RGS5: variants seen among roughly 807,000 people sequenced by gnomAD.
RGS5 encodes regulator of G-protein signalling 5.
In RGS5, 20 loss-of-function variants were observed where a neutral mutation model predicts 18.9. The ratio of observed to expected loss-of-function variants is 1.06; its 90% CI spans 0.74 to 1.54. The LOEUF (loss-of-function observed/expected upper bound fraction) is 1.54, where lower values mean the gene tolerates loss of function less well. Among genes scored for constraint, RGS5 ranks in the 40% most tolerant of loss-of-function variants. The pLI is 0.00. For synonymous variants in RGS5, 57 were observed against 76.2 expected, an observed-to-expected ratio of 0.75 and a Z score of 1.31; for missense variants, 201 against 211.8, an observed-to-expected ratio of 0.95 and a Z score of 0.32.
intron 1 of RGS5, among the ~76,000 whole-genome samples, chr1:163,169,723 A>G (rs920746762): frequency 6.6e-6 from 1 of 152,172 alleles, no homozygotes; most frequent in Non-Finnish European, 1.5e-5. Context: ...CTGTAAAATG[A>G]TGACGTTATC....
chr1:163,314,602 G>C (rs1649966417), intron 1 of RGS5, among the ~76,000 whole-genome samples: 1 of 152,060 alleles, frequency 6.6e-6, no homozygotes, highest in African/African-American at 2.4e-5. Context: ...TCTGATTTAT[G>C]ATAGTTATTA....
intron 2 of RGS5, among the ~76,000 whole-genome samples, chr1:163,246,822 T>G (rs1418911961): frequency 6.6e-6 from 1 of 152,222 alleles, no homozygotes; most frequent in Non-Finnish European, 1.5e-5. Context: ...GTCATCTGCA[T>G]GGAATCAATC....
rs147314239 is a variant in RGS5 at position 163,216,949 on chromosome 1, C to T, written c.69+577G>A. ...AACTCCACTGGGTTTTTAATGTCAG[C>T]TCAAAGTGTGGTCCTTAGCTAACTA... On this transcript the variant is annotated intron_variant, in intron 1 of 5. Transcript: ENST00000367903. Among the ~76,000 whole-genome samples, 1,237 of 152,256 alleles carry T rather than the reference C, an allele frequency of 8.1e-3. 5 individuals are homozygous for T. The highest frequency in any genetic ancestry group is 0.014 in the Non-Finnish European group (944 of 68,018).
At chr1:163,148,232 G>A (rs370297130) in intron 4 of RGS5, among the ~76,000 whole-genome samples, 1 of 152,014 alleles carries the variant, frequency 6.6e-6, no homozygotes, top group African/African-American at 2.4e-5. Flanking sequence ...CGGCCCTGGT[G>A]CCTAATTTTA....
chr1:163,221,196 A>G (rs1469532732), upstream of RGS5, among the ~76,000 whole-genome samples: 1 of 152,204 alleles, frequency 6.6e-6, no homozygotes, highest in Non-Finnish European at 1.5e-5. Flanking sequence ...GAACAAGAAG[A>G]CAATTAAGAT....
intron 2 of RGS5, among the ~76,000 whole-genome samples, chr1:163,297,955 A>G (rs1649461896): frequency 6.6e-6 from 1 of 152,146 alleles, no homozygotes; most frequent in Non-Finnish European, 1.5e-5. Context: ...CCAAGTCATT[A>G]GGGAATATCT....
chr1:163,300,877 A>C (rs1050596822), intron 2 of RGS5, among the ~76,000 whole-genome samples: 1 of 152,192 alleles, frequency 6.6e-6, no homozygotes, highest in African/African-American at 2.4e-5. Context: ...GCACTTACCA[A>C]GTGTATTGAC....
chr1:163,152,708 C>A lies in RGS5; in HGVS notation c.226G>T (p.Ala76Ser). 1.3e-6 allele frequency: 2 copies of A among 1,586,612 alleles called. No homozygotes were observed. The highest frequency in any genetic ancestry group is 1.2e-5 in the South Asian group (1 of 84,300). Residue 76 changes from alanine (A) to serine (S), a missense_variant, in exon 4 of 5, where the codon GCC becomes TCC. Coordinates refer to ENST00000313961, the MANE Select transcript of RGS5 (RefSeq NM_003617.4). The part of the protein sequence containing the change: ...DKLLQNNYGL[A>S]SFKSFLKSEF... ...GACTTCAGGAAACTTTTGAAACTGG[C>A]AAGTCCATCTGGAAAGAAAAAAACA...
At chr1:163,220,778 C>A (rs76488085), upstream of RGS5, among the ~76,000 whole-genome samples, 573 of 152,124 alleles carry the variant, frequency 3.8e-3, 6 homozygotes, top group Non-Finnish European at 5.7e-3. Flanking sequence ...TCAGTGGGCC[C>A]AATGTCATCA....
intron 2 of RGS5, chr1:163,239,246 T>G (rs1297110512): frequency 1.3e-5 from 2 of 151,576 alleles, no homozygotes; most frequent in African/African-American, 4.9e-5. Context: ...GAGCCCAAGG[T>G]GGGTGGATCG....
intron 2 of RGS5, among the ~76,000 whole-genome samples, chr1:163,271,794 T>C (rs1172264165): frequency 6.6e-6 from 1 of 152,174 alleles, no homozygotes; most frequent in Middle Eastern, 3.2e-3. Flanking sequence ...TTCGTTTCTC[T>C]TGCTTAGATT....
chr1:163,296,731 T>C (rs923889037), intron 2 of RGS5, among the ~76,000 whole-genome samples: 4 of 152,174 alleles, frequency 2.6e-5, no homozygotes, highest in Non-Finnish European at 5.9e-5. Flanking sequence ...AGTTTCTGGA[T>C]TGTGAAACTT....
At chr1:163,280,799 C>T (rs182015194) in intron 2 of RGS5, among the ~76,000 whole-genome samples, 10 of 152,160 alleles carry the variant, frequency 6.6e-5, no homozygotes, top group Admixed American at 6.5e-4. Flanking sequence ...TGAAAAAGAG[C>T]CTGAATAGCC....
chr1:163,320,156 G>T (rs1392584081), intron 1 of RGS5, among the ~76,000 whole-genome samples: 2 of 151,746 alleles, frequency 1.3e-5, no homozygotes, highest in African/African-American at 4.8e-5. Flanking sequence ...TCTAATCTTG[G>T]CTTTCACATA....
intron 2 of RGS5, among the ~76,000 whole-genome samples, chr1:163,230,181 A>G (rs1442423693): frequency 6.6e-6 from 1 of 152,224 alleles, no homozygotes; most frequent in Non-Finnish European, 1.5e-5. Context: ...GATAAAATTC[A>G]AAATTTTGAT....
chr1:163,147,918 C>CTTTTTTTTTTTTTTTTTTTTTTT (rs534448527), intron 4 of RGS5, among the ~76,000 whole-genome samples: 7 of 78,094 alleles, frequency 9.0e-5, no homozygotes, highest in Non-Finnish European at 1.5e-4. Flanking sequence ...TTTTCTTTTT[C>CTTTTTTTTTTTTTTTTTTTTTTT]TTTTTTTTTT....
chr1:163,320,708 G>C (rs538539902), intron 1 of RGS5, among the ~76,000 whole-genome samples: 4 of 151,760 alleles, frequency 2.6e-5, no homozygotes, highest in Non-Finnish European at 5.9e-5. Flanking sequence ...ACTAGATTCC[G>C]ACTTTGAGAC....
chr1:163,162,486 C>A (rs1657845843), intron 2 of RGS5, among the ~76,000 whole-genome samples: 2 of 152,020 alleles, frequency 1.3e-5, no homozygotes, highest in Non-Finnish European at 2.9e-5. Context: ...TAATGCTTTC[C>A]TTATGTTGGG....
chr1:163,297,562 CCTT>C (rs1649452525), intron 2 of RGS5, among the ~76,000 whole-genome samples: 1 of 152,122 alleles, frequency 6.6e-6, no homozygotes. Flanking sequence ...TTCCCTACAT[CCTT>C]CTTTCTTGTT....
Sources: gnomAD v4.1 joint callset for allele counts (sites outside exome capture counted in the v4.1 genomes callset) on GRCh38, gnomAD v4.1.1 for gene constraint, MANE v1.5 for transcripts, NCBI Gene and HGNC (gene_info 2026-07-23, HGNC 2026-07-21) for gene names.